Variants in AFAP1 observed in about 807,000 individuals in gnomAD.
The protein encoded by AFAP1 is actin filament associated protein 1.
In AFAP1, 75 loss-of-function variants were observed where a neutral mutation model predicts 93.9. The ratio of observed to expected loss-of-function variants is 0.80; its 90% CI spans 0.66 to 0.97. The LOEUF is 0.97. Among genes scored for constraint, AFAP1 ranks in the 50% least tolerant of loss-of-function variants. The probability of loss-of-function intolerance (pLI) is 0.00; values close to 1 mark genes in which losing one functional copy is unlikely to be tolerated. For missense variants in AFAP1, 1,201 were observed against 1,050.8 expected, an observed-to-expected ratio of 1.14 and a Z score of -1.98; for synonymous variants, 517 against 430.7, an observed-to-expected ratio of 1.20 and a Z score of -2.48.
intron 6 of AFAP1, among the ~76,000 whole-genome samples, chr4:7,823,378 T>C (rs1721144233): frequency 6.6e-6 from 1 of 152,224 alleles, no homozygotes; most frequent in South Asian, 2.1e-4. Context: ...AAGAGCCTCA[T>C]GACCAAGCTT....
intron 1 of AFAP1, among the ~76,000 whole-genome samples, chr4:7,882,668 G>A (rs1185243177): frequency 3.9e-5 from 6 of 152,116 alleles, no homozygotes; most frequent in Non-Finnish European, 7.4e-5. Flanking sequence ...AGACCATCCT[G>A]GCCAACATGG....
At chr4:7,863,140 G>C (rs1245026203) in intron 3 of AFAP1, among the ~76,000 whole-genome samples, 3 of 152,228 alleles carry the variant, frequency 2.0e-5, no homozygotes, top group Admixed American at 6.5e-5. Flanking sequence ...GAAAAGCCAG[G>C]CGCGGTGGCT....
In AFAP1 at chr4:7,825,187, C is replaced by T. The variant is rs143954959; in HGVS notation, c.727-6016G>A. On this transcript the variant is annotated intron_variant, in intron 6 of 17. Coordinates refer to ENST00000420658, the MANE Select transcript of AFAP1 (RefSeq NM_001134647.2). ...TGATTATTTCCACTTGATAGATAAA[C>T]GGGAAAGGGTTTATTGCCCCAAAAT... 5.3e-5 allele frequency among the ~76,000 whole-genome samples: 8 copies of T among 152,232 alleles called. 1 individual carries two copies. Among genetic ancestry groups the T allele is most frequent in the Admixed American group, 2.0e-4 (3 of 15,298 alleles).
At chr4:7,911,940 A>G (rs1243035205) in intron 1 of AFAP1, among the ~76,000 whole-genome samples, 1 of 152,218 alleles carries the variant, frequency 6.6e-6, no homozygotes, top group East Asian at 1.9e-4. Flanking sequence ...TGAAATATAG[A>G]AAGGATTCCA....
At chr4:7,874,189 G>A (rs1265840401) in intron 1 of AFAP1, among the ~76,000 whole-genome samples, 1 of 152,150 alleles carries the variant, frequency 6.6e-6, no homozygotes, top group African/African-American at 2.4e-5. Flanking sequence ...CTATTCTAAT[G>A]TAACAGAGGA....
intron 1 of AFAP1, among the ~76,000 whole-genome samples, chr4:7,936,369 A>C (rs1373193970): frequency 4.0e-5 from 6 of 150,276 alleles, no homozygotes; most frequent in African/African-American, 1.5e-4. Flanking sequence ...TCCGTCACCC[A>C]GACTGGAGTG....
chr4:7,793,670 G>C lies in AFAP1; in HGVS notation c.1412+11C>G. ...AACTGTGGTGCCATTTCACATGGCAGTGGGTCTTACCAGAAGGTCTGTTTG... is the reference window on the plus strand; with the variant it reads ...AACTGTGGTGCCATTTCACATGGCACTGGGTCTTACCAGAAGGTCTGTTTG... On this transcript the variant is annotated intron_variant, in intron 11 of 17. Transcript: ENST00000420658. 6.6e-7 allele frequency: 1 copy of C among 1,519,754 alleles called. No individual in the cohort carries two copies. Among genetic ancestry groups the C allele is most frequent in the Non-Finnish European group, 9.0e-7 (1 of 1,116,484 alleles). The allele number at this position is 1,519,754 out of a possible 1,614,324, so 94.1% of individuals were successfully genotyped here.
At chr4:7,783,928 A>T (rs1310759924) in intron 12 of AFAP1, among the ~76,000 whole-genome samples, 1 of 152,120 alleles carries the variant, frequency 6.6e-6, no homozygotes, top group Non-Finnish European at 1.5e-5. Flanking sequence ...GATGCAGATG[A>T]GTGTGGTAAC....
At chr4:7,858,093 C>A (rs556073138) in intron 3 of AFAP1, among the ~76,000 whole-genome samples, 1 of 152,310 alleles carries the variant, frequency 6.6e-6, no homozygotes, top group African/African-American at 2.4e-5. Flanking sequence ...CATCCACAGA[C>A]AAACATTTAA....
At chr4:7,827,720 G>A (rs12511825) in intron 6 of AFAP1, among the ~76,000 whole-genome samples, 1 of 151,550 alleles carries the variant, frequency 6.6e-6, no homozygotes, top group Non-Finnish European at 1.5e-5. Context: ...CCACACCACC[G>A]CACTGAGACA....
chr4:7,769,425 C>T (rs1307343742), intron 16 of AFAP1, among the ~76,000 whole-genome samples: 1 of 152,228 alleles, frequency 6.6e-6, no homozygotes, highest in Non-Finnish European at 1.5e-5. Context: ...AAAGTGGCGG[C>T]ACTCACGGCA....
intron 1 of AFAP1, among the ~76,000 whole-genome samples, chr4:7,882,772 T>C (rs71601890): frequency 2.6e-5 from 4 of 152,134 alleles, no homozygotes; most frequent in Admixed American, 6.5e-5. Flanking sequence ...GGCAGGAGAA[T>C]CGCTTGAACC....
chr4:7,836,823 C>T (rs1271498152), intron 6 of AFAP1, among the ~76,000 whole-genome samples: 2 of 146,844 alleles, frequency 1.4e-5, no homozygotes, highest in East Asian at 3.9e-4. Flanking sequence ...AGTGAATATA[C>T]CAAAAAAAAA....
chr4:7,931,128 T>C (rs1721040978), intron 1 of AFAP1, among the ~76,000 whole-genome samples: 1 of 152,170 alleles, frequency 6.6e-6, no homozygotes, highest in Non-Finnish European at 1.5e-5. Flanking sequence ...GTAAGCCACC[T>C]GAGTCCTTGT....
intron 14 of AFAP1, 164 bp downstream of exon 14, chr4:7,778,598 G>T: frequency 1.4e-6 from 1 of 700,128 alleles, no homozygotes; most frequent in Non-Finnish European, 2.5e-6. Context: ...GGTTGAAATC[G>T]CCACTGTCCT....
At position 7,795,356 on chromosome 4, in the gene AFAP1, C is replaced by A. The variant is rs181242061; in HGVS notation, c.1267-1530G>T. On this transcript the variant is annotated intron_variant, in intron 10 of 17. Coordinates refer to ENST00000420658, the MANE Select transcript of AFAP1 (RefSeq NM_001134647.2). The stretch of plus-strand genomic sequence containing the variant: ...AATACCTGGATTAAAACAAAAAAAA[C>A]CACAAATGTGTTCTCTTCACAGGTC... Among the ~76,000 whole-genome samples, 45 of 144,848 alleles carry A rather than the reference C, an allele frequency of 3.1e-4. 2 individuals carry two copies. In the East Asian group the frequency reaches 6.4e-3, roughly 21 times the overall value.
intron 12 of AFAP1, among the ~76,000 whole-genome samples, chr4:7,782,572 A>C (rs1424089239): frequency 1.3e-5 from 2 of 152,264 alleles, no homozygotes; most frequent in African/African-American, 4.8e-5. Flanking sequence ...GAATCTGAGA[A>C]CATGGGTATT....
At chr4:7,889,561 A>G (rs371527751) in intron 1 of AFAP1, among the ~76,000 whole-genome samples, 9 of 116,898 alleles carry the variant, frequency 7.7e-5, no homozygotes, top group Non-Finnish European at 1.1e-4. Context: ...AAAAAAAAGA[A>G]AAAAAAAAAG....
intron 9 of AFAP1, among the ~76,000 whole-genome samples, chr4:7,804,125 G>A (rs1037373815): frequency 1.3e-5 from 2 of 152,152 alleles, no homozygotes; most frequent in Non-Finnish European, 2.9e-5. Context: ...CCTCTAGCCT[G>A]GCTGATGAAA....
Sources: allele counts gnomAD v4.1 joint callset (sites outside exome capture counted in the v4.1 genomes callset), GRCh38; gene constraint gnomAD v4.1.1; transcripts MANE v1.5; gene names NCBI Gene and HGNC (gene_info 2026-07-23, HGNC 2026-07-21).